ANKS1B: variants seen among roughly 807,000 people sequenced by gnomAD.
ANKS1B encodes ankyrin repeat and sterile alpha motif domain containing 1B, also known as ankyrin repeat and sterile alpha motif domain-containing protein 1B.
A neutral mutation model predicts 148.3 loss-of-function variants in ANKS1B; 36 were observed. The ratio of observed to expected loss-of-function variants is 0.24; its 90% CI spans 0.19 to 0.32. The LOEUF (loss-of-function observed/expected upper bound fraction) is 0.32, where lower values mean the gene tolerates loss of function less well. Among genes scored for constraint, ANKS1B ranks in the 10% least tolerant of loss-of-function variants. The probability of loss-of-function intolerance (pLI) is 1.00; values close to 1 mark genes in which losing one functional copy is unlikely to be tolerated. For missense variants in ANKS1B, 1,157 were observed against 1,542.6 expected, an observed-to-expected ratio of 0.75 and a Z score of 4.19; for synonymous variants, 542 against 560.8, an observed-to-expected ratio of 0.97 and a Z score of 0.47.
At chr12:99,310,899 G>A (rs1282818031) in intron 12 of ANKS1B, among the ~76,000 whole-genome samples, 2 of 152,116 alleles carry the variant, frequency 1.3e-5, no homozygotes, top group Admixed American at 6.6e-5. Context: ...TACTGCCTAT[G>A]TGACTCTCAG....
At chr12:99,609,411 G>A (rs781406785) in intron 9 of ANKS1B, among the ~76,000 whole-genome samples, 9 of 151,738 alleles carry the variant, frequency 5.9e-5, no homozygotes, top group Non-Finnish European at 1.2e-4. Context: ...AAGAGGGTGC[G>A]AAAAGGTACA....
chr12:99,066,063 C>T (rs748710783), intron 16 of ANKS1B, among the ~76,000 whole-genome samples: 1 of 151,984 alleles, frequency 6.6e-6, no homozygotes. Flanking sequence ...TGTCTGTAAT[C>T]CCAGAACTTT....
At chr12:98,792,502 G>A (rs1344537889) in intron 22 of ANKS1B, among the ~76,000 whole-genome samples, 1 of 152,064 alleles carries the variant, frequency 6.6e-6, no homozygotes, top group Non-Finnish European at 1.5e-5. Flanking sequence ...GTACAGCATT[G>A]TTAGCTACAG....
intron 1 of ANKS1B, among the ~76,000 whole-genome samples, chr12:99,861,965 C>T (rs371811929): frequency 2.2e-3 from 37 of 16,728 alleles, no homozygotes; most frequent in Middle Eastern, 0.028. Flanking sequence ...AAAAAGGAAG[C>T]GGGTGGGGCG....
intron 10 of ANKS1B, among the ~76,000 whole-genome samples, chr12:99,492,028 TAGC>T (rs2096560625): frequency 1.3e-5 from 2 of 151,976 alleles, no homozygotes; most frequent in Non-Finnish European, 2.9e-5. Flanking sequence ...CCCCCAAAGC[TAGC>T]AGAAGACAAG....
chr12:98,842,388 T>C (rs2099411817), intron 17 of ANKS1B, among the ~76,000 whole-genome samples: 1 of 152,194 alleles, frequency 6.6e-6, no homozygotes, highest in South Asian at 2.1e-4. Context: ...AAACTATATG[T>C]ACAGAAAACA....
intron 1 of ANKS1B, among the ~76,000 whole-genome samples, chr12:99,939,841 C>T (rs2094875626): frequency 6.6e-6 from 1 of 152,092 alleles, no homozygotes; most frequent in African/African-American, 2.4e-5. Flanking sequence ...AAAGGAGATT[C>T]ACTATAATTT....
At chr12:99,876,268 T>C (rs1325115642) in intron 1 of ANKS1B, among the ~76,000 whole-genome samples, 1 of 151,932 alleles carries the variant, frequency 6.6e-6, no homozygotes, top group Non-Finnish European at 1.5e-5. Flanking sequence ...AAATAAACAA[T>C]CCCCAAAAGA....
chr12:98,751,577 T>A lies in ANKS1B; in HGVS notation c.3580-55A>T. 6.4e-7 allele frequency: 1 copy of A among 1,565,000 alleles called. No individual in the cohort carries two copies. The highest frequency in any genetic ancestry group is 8.8e-7 in the Non-Finnish European group (1 of 1,141,868). Reference sequence around the variant, plus strand: ...CTGGCACACTGCAAATTAGAATGGGTCGAATGGCTGAGGAACACTGAGGGA... The same window carrying A: ...CTGGCACACTGCAAATTAGAATGGGACGAATGGCTGAGGAACACTGAGGGA... On this transcript the variant is annotated intron_variant, in intron 25 of 26. Coordinates refer to ENST00000683438, the MANE Select transcript of ANKS1B (RefSeq NM_001352186.2). This position sits in a 1 kb window ranked among gnomAD's most constrained non-coding sequence, Gnocchi z 4.3.
intron 14 of ANKS1B, among the ~76,000 whole-genome samples, chr12:99,198,094 G>A (rs889376715): frequency 6.6e-6 from 1 of 151,932 alleles, no homozygotes; most frequent in Admixed American, 6.6e-5. Flanking sequence ...CTTCTCTAAA[G>A]CCTTCCTTAG....
chr12:99,142,820 G>A (rs905166965), intron 15 of ANKS1B, among the ~76,000 whole-genome samples: 4 of 152,004 alleles, frequency 2.6e-5, no homozygotes, highest in African/African-American at 9.7e-5. Context: ...ATTTGTTGTG[G>A]ATGATCTTTT....
chr12:99,376,808 C>T (rs73151131), intron 12 of ANKS1B, among the ~76,000 whole-genome samples: 3 of 152,122 alleles, frequency 2.0e-5, no homozygotes, highest in Admixed American at 6.5e-5. Flanking sequence ...TAAGTTGCCA[C>T]GGCTTTAAAG....
chr12:99,027,222 T>C (rs1434857069), intron 17 of ANKS1B, among the ~76,000 whole-genome samples: 1 of 152,256 alleles, frequency 6.6e-6, no homozygotes, highest in Admixed American at 6.5e-5. Context: ...TATGTGCATT[T>C]CTACATAATT....
At chr12:98,984,484 G>A (rs1456543871) in intron 17 of ANKS1B, among the ~76,000 whole-genome samples, 2 of 152,088 alleles carry the variant, frequency 1.3e-5, no homozygotes, top group African/African-American at 2.4e-5. Flanking sequence ...GAGAAATCAG[G>A]CTGTAGCTTT....
At chr12:99,807,140 A>C (rs1042980175) in intron 3 of ANKS1B, among the ~76,000 whole-genome samples, 2 of 152,250 alleles carry the variant, frequency 1.3e-5, no homozygotes, top group Non-Finnish European at 2.9e-5. Flanking sequence ...CAAAAGGTTT[A>C]TAGAAAGGTT....
intron 18 of ANKS1B, among the ~76,000 whole-genome samples, chr12:98,830,345 C>T (rs1328797002): frequency 6.6e-6 from 1 of 152,062 alleles, no homozygotes; most frequent in Non-Finnish European, 1.5e-5. Flanking sequence ...CAAGTAGCCT[C>T]CAAATATCCC....
At position 99,467,192 on chromosome 12, in the gene ANKS1B, G is replaced by A. The variant is rs532028186; in HGVS notation, c.1439-23383C>T. Among the ~76,000 whole-genome samples the A allele has an allele frequency of 9.9e-5, 15 of 152,116 alleles. No homozygotes were observed. In the South Asian group the frequency reaches 2.9e-3, roughly 30 times the overall value. Reference sequence around the variant, plus strand: ...AAACAGAACCAAAGACAAAAACCAGGTGATTATCTCAATAGATGCAGAAAA... The same window carrying A: ...AAACAGAACCAAAGACAAAAACCAGATGATTATCTCAATAGATGCAGAAAA... On this transcript the variant is annotated intron_variant, in intron 10 of 26. Coordinates refer to ENST00000683438, the MANE Select transcript of ANKS1B (RefSeq NM_001352186.2).
In ANKS1B at chr12:99,122,993, A is replaced by ATATATATATATATATATATATATAT. The variant is rs57985878; in HGVS notation, c.2526+31295_2526+31296insATATATATATATATATATATATATA. The stretch of plus-strand genomic sequence containing the variant: ...TAGAAATAAATCAGTAAAATTAAAA[A>ATATATATATATATATATATATATAT]AAAAATATATATATATATATAAACA... On this transcript the variant is annotated intron_variant, in intron 15 of 26. Coordinates refer to ENST00000683438, the MANE Select transcript of ANKS1B (RefSeq NM_001352186.2). Among the ~76,000 whole-genome samples, 299 of 137,952 alleles carry ATATATATATATATATATATATATAT rather than the reference A, an allele frequency of 2.2e-3. 5 individuals carry two copies. Among genetic ancestry groups the ATATATATATATATATATATATATAT allele is most frequent in the African/African-American group, 5.7e-3 (202 of 35,460 alleles). 90.5% of individuals were successfully genotyped at this position (137,952 alleles called of 152,430 possible).
At chr12:99,665,275 T>C (rs370629124) in intron 8 of ANKS1B, among the ~76,000 whole-genome samples, 3 of 152,326 alleles carry the variant, frequency 2.0e-5, no homozygotes, top group East Asian at 1.9e-4. Context: ...TGGCAACACT[T>C]AATTTTAGTT....
Sources: allele counts gnomAD v4.1 joint callset (sites outside exome capture counted in the v4.1 genomes callset), GRCh38; gene constraint gnomAD v4.1.1; non-coding constraint Gnocchi (gnomAD v3.1); transcripts MANE v1.5; gene names NCBI Gene and HGNC (gene_info 2026-07-23, HGNC 2026-07-21).